NTM: variants seen among roughly 807,000 people sequenced by gnomAD.
NTM encodes neurotrimin.
A neutral mutation model predicts 42.1 loss-of-function variants in NTM; 13 were observed. The ratio of observed to expected loss-of-function variants is 0.31; its 90% confidence interval spans 0.20 to 0.49. NTM has a LOEUF of 0.49. Ranked by LOEUF, NTM falls within the 20% of genes least tolerant of loss-of-function variation. NTM has a pLI of 0.99. For missense variants in NTM, 373 were observed against 452.8 expected (o/e 0.82, Z 1.60); for synonymous variants, 187 against 179.2 (o/e 1.04, Z -0.35).
chr11:131,448,547 C>T (rs1049257055), intron 1 of NTM, among the ~76,000 whole-genome samples: 1 of 152,224 alleles, frequency 6.6e-6, no homozygotes, highest in African/African-American at 2.4e-5. Flanking sequence ...ATGGAACTCT[C>T]ATTCATGAGA....
intron 1 of NTM, among the ~76,000 whole-genome samples, chr11:131,753,797 A>G (rs2082907387): frequency 6.6e-6 from 1 of 151,870 alleles, no homozygotes; most frequent in African/African-American, 2.4e-5. Flanking sequence ...ATGCTAAATG[A>G]CGAATTAATG....
chr11:132,283,910 C>T (rs951690709), intron 4 of NTM, among the ~76,000 whole-genome samples: 3 of 152,122 alleles, frequency 2.0e-5, no homozygotes, highest in Non-Finnish European at 4.4e-5. Context: ...GTCATCACCC[C>T]AGGGGCTCTA....
At chr11:131,640,878 C>T (rs1380826901) in intron 1 of NTM, among the ~76,000 whole-genome samples, 1 of 152,222 alleles carries the variant, frequency 6.6e-6, no homozygotes. Context: ...GGCAACTGAT[C>T]TCTGTCTTTT....
At chr11:131,741,449 A>G (rs1332819655) in intron 1 of NTM, among the ~76,000 whole-genome samples, 1 of 152,196 alleles carries the variant, frequency 6.6e-6, no homozygotes, top group Admixed American at 6.5e-5. Flanking sequence ...GTTTTCTCAG[A>G]TTACCTTTGG....
intron 2 of NTM, among the ~76,000 whole-genome samples, chr11:132,131,521 A>G (rs1024280887): frequency 6.6e-6 from 1 of 152,112 alleles, no homozygotes; most frequent in Non-Finnish European, 1.5e-5. Flanking sequence ...GTTGGGTCAG[A>G]GGGAGCCTTG....
At chr11:132,261,177 A>G (rs1566603739) in intron 4 of NTM, among the ~76,000 whole-genome samples, 2 of 152,082 alleles carry the variant, frequency 1.3e-5, no homozygotes. Flanking sequence ...TTTTATGGAG[A>G]TAAGAACTCT....
intron 1 of NTM, among the ~76,000 whole-genome samples, chr11:131,409,665 G>C (rs1352892352): frequency 6.6e-6 from 1 of 152,192 alleles, no homozygotes; most frequent in Non-Finnish European, 1.5e-5. Context: ...AGCCATAAAG[G>C]AAATATTGTC....
chr11:132,119,125 G>A (rs1010231629), intron 2 of NTM, among the ~76,000 whole-genome samples: 9 of 152,140 alleles, frequency 5.9e-5, no homozygotes, highest in African/African-American at 1.4e-4. Context: ...GGCATCAGCC[G>A]GTCTCCTCTA....
chr11:131,789,620 A>AAGGAGG lies in NTM; in HGVS notation c.83-121942_83-121941insGAGGAG. ...GAAGAAGAAGAAGAAGAAGAAGAAG[A>AAGGAGG]AGAAGAAGAAGAAGAAAAGAAGAAG... On this transcript the variant is annotated intron_variant, in intron 1 of 8. Coordinates refer to ENST00000683400, the MANE Select transcript of NTM (RefSeq NM_001352005.2). Among the ~76,000 whole-genome samples, 2 of 86,672 alleles carry AAGGAGG rather than the reference A, an allele frequency of 2.3e-5. 1 individual carries two copies. Among genetic ancestry groups the AAGGAGG allele is most frequent in the Non-Finnish European group, 4.6e-5 (2 of 43,332 alleles). 56.9% of individuals were successfully genotyped at this position (86,672 alleles called of 152,430 possible).
At chr11:131,916,545 C>T (rs1439598351) in intron 2 of NTM, among the ~76,000 whole-genome samples, 2 of 152,170 alleles carry the variant, frequency 1.3e-5, no homozygotes, top group Non-Finnish European at 2.9e-5. Context: ...TCCATGGAAT[C>T]ACACAGACTA....
At position 132,017,432 on chromosome 11, in the gene NTM, G is replaced by A. The variant is rs76259325; in HGVS notation, c.167+105784G>A. 4.8e-3 allele frequency among the ~76,000 whole-genome samples: 735 copies of A among 152,046 alleles called. 9 individuals carry two copies. The highest frequency in any genetic ancestry group is 0.017 in the African/African-American group (698 of 41,528). The stretch of plus-strand genomic sequence containing the variant: ...GTCTTAACACTTTTGACAAAATTCA[G>A]TTGACCGTAAATGGGATTCATGACT... On this transcript the variant is annotated intron_variant, in intron 2 of 8. Coordinates refer to ENST00000683400, the MANE Select transcript of NTM (RefSeq NM_001352005.2).
chr11:132,143,854 G>A (rs1021639146), intron 2 of NTM, among the ~76,000 whole-genome samples: 2 of 152,182 alleles, frequency 1.3e-5, no homozygotes, highest in African/African-American at 4.8e-5. Flanking sequence ...TCTGCAAGGA[G>A]CATAAGGGAA....
intron 1 of NTM, among the ~76,000 whole-genome samples, chr11:131,875,758 A>C (rs574080329): frequency 1.4e-4 from 22 of 152,188 alleles, no homozygotes; most frequent in African/African-American, 4.6e-4. Context: ...CTTCATGGAC[A>C]CTGTCCTGGA....
chr11:132,308,186 G>C (rs192730109), intron 5 of NTM, among the ~76,000 whole-genome samples: 2 of 152,128 alleles, frequency 1.3e-5, no homozygotes, highest in African/African-American at 2.4e-5. Flanking sequence ...GCCTCTCACT[G>C]TCTAGACCAG....
At chr11:132,144,375 G>T (rs1266821565) in intron 2 of NTM, among the ~76,000 whole-genome samples, 2 of 152,228 alleles carry the variant, frequency 1.3e-5, no homozygotes, top group East Asian at 3.9e-4. Flanking sequence ...TGAGAAACAT[G>T]TGGAGCTGGC....
intron 1 of NTM, among the ~76,000 whole-genome samples, chr11:131,672,151 G>A (rs571594973): frequency 1.2e-4 from 18 of 152,326 alleles, no homozygotes; most frequent in East Asian, 1.2e-3. Context: ...CTTGGCAGGT[G>A]TGGGAGGAAC....
Position 132,279,006 on chromosome 11 carries a change from A to T in NTM, c.527-28683A>T, listed in dbSNP as rs540544280. ...AGACGTCCCCTTTTGAATATCTTAC[A>T]GTCACATTAAACTTAGATCATCCAA... On this transcript the variant is annotated intron_variant, in intron 4 of 8. Transcript: ENST00000683400. Among the ~76,000 whole-genome samples the T allele has an allele frequency of 9.9e-5, 15 of 152,250 alleles. No homozygotes were observed. In the South Asian group the frequency reaches 2.9e-3, roughly 29 times the overall value.
chr11:131,722,895 G>GAGACTCCA (rs2078537940), intron 1 of NTM, among the ~76,000 whole-genome samples: 1 of 152,230 alleles, frequency 6.6e-6, no homozygotes, highest in African/African-American at 2.4e-5. Flanking sequence ...CTCATACTTG[G>GAGACTCCA]TTCATGGAGA....
chr11:132,130,036 G>A (rs1188005855), intron 2 of NTM, among the ~76,000 whole-genome samples: 1 of 152,176 alleles, frequency 6.6e-6, no homozygotes, highest in Non-Finnish European at 1.5e-5. Flanking sequence ...AAATGTAAAT[G>A]TATCTGATTC....
Sources: allele counts gnomAD v4.1 joint callset (sites outside exome capture counted in the v4.1 genomes callset), GRCh38; gene constraint gnomAD v4.1.1; transcripts MANE v1.5; gene names NCBI Gene and HGNC (gene_info 2026-07-23, HGNC 2026-07-21).